The following WDR17 variants were observed in gnomAD, a reference collection of about 807,000 sequenced individuals.
WDR17 encodes WD repeat domain 17, also known as WD repeat-containing protein 17.
WDR17 carries 143 observed loss-of-function variants against 161.7 expected under a neutral mutation model. The observed-to-expected ratio is 0.88, with a 90% CI of 0.77 to 1.02. The LOEUF (loss-of-function observed/expected upper bound fraction) is 1.02, where lower values mean the gene tolerates loss of function less well. Among genes scored for constraint, WDR17 ranks in the 50% least tolerant of loss-of-function variants. The pLI is 0.00. For synonymous variants in WDR17, 517 were observed against 515.6 expected, an observed-to-expected ratio of 1.00 and a Z score of -0.04; for missense variants, 1,469 against 1,520.9, an observed-to-expected ratio of 0.97 and a Z score of 0.57.
At chr4:176,095,810 A>G (rs1736769711) in intron 1 of WDR17, among the ~76,000 whole-genome samples, 1 of 152,094 alleles carries the variant, frequency 6.6e-6, no homozygotes, top group Non-Finnish European at 1.5e-5. Flanking sequence ...ATTACAGAGG[A>G]TATTTTGAAG....
intron 1 of WDR17, among the ~76,000 whole-genome samples, chr4:176,085,330 A>T (rs1345964433): frequency 6.6e-6 from 1 of 152,056 alleles, no homozygotes; most frequent in Non-Finnish European, 1.5e-5. Flanking sequence ...AGGTTTGGGG[A>T]AGATATAAAG....
rs1268860907 is a variant in WDR17 at position 176,127,311 on chromosome 4, G to C, written c.791-1427G>C. On this transcript the variant is annotated intron_variant, in intron 5 of 28. Coordinates refer to ENST00000508596, the MANE Select transcript of WDR17 (RefSeq NM_181265.4). ...GGCATGGAATTTTTTTTTTTTTTTTGAGACAGTGTCTCGCTCTGTCACCCA... is the reference window on the plus strand; with the variant it reads ...GGCATGGAATTTTTTTTTTTTTTTTCAGACAGTGTCTCGCTCTGTCACCCA... Among the ~76,000 whole-genome samples the C allele has an allele frequency of 1.9e-5, 2 of 106,242 alleles. 1 individual carries two copies. Among genetic ancestry groups the C allele is most frequent in the South Asian group, 6.1e-4 (2 of 3,266 alleles). The allele number at this position is 106,242 out of a possible 152,430, so 69.7% of individuals were successfully genotyped here.
intron 22 of WDR17, among the ~76,000 whole-genome samples, chr4:176,166,442 T>C (rs1749784876): frequency 6.6e-6 from 1 of 152,170 alleles, no homozygotes; most frequent in African/African-American, 2.4e-5. Flanking sequence ...TCTCTTCTGA[T>C]AGTGAAATTT....
chr4:176,070,723 G>A (rs997946073), intron 1 of WDR17, among the ~76,000 whole-genome samples: 1 of 151,346 alleles, frequency 6.6e-6, no homozygotes, highest in African/African-American at 2.4e-5. Context: ...AGCTCACTAT[G>A]TTGCCCAGGC....
intron 6 of WDR17, among the ~76,000 whole-genome samples, chr4:176,129,947 A>G (rs1030111977): frequency 3.3e-4 from 49 of 148,746 alleles, no homozygotes; most frequent in African/African-American, 1.1e-3. Context: ...TGTCTGAAAT[A>G]CCAGATTCTT....
intron 10 of WDR17, among the ~76,000 whole-genome samples, chr4:176,140,637 G>A (rs1745107619): frequency 6.6e-6 from 1 of 152,116 alleles, no homozygotes; most frequent in Non-Finnish European, 1.5e-5. Flanking sequence ...TCTTCGATAG[G>A]TGGATAGGTG....
At position 176,160,023 on chromosome 4, in the gene WDR17, AGGATGAT is replaced by A; in HGVS notation, c.2557_2563del (p.Asp853SerfsTer6). 1 of 1,610,386 alleles carries A rather than the reference AGGATGAT, an allele frequency of 6.2e-7. No homozygotes were observed. On this transcript the variant is annotated frameshift_variant, in exon 19 of 29. Transcript: ENST00000508596. LOFTEE classifies it high-confidence loss of function. ...GCTGACCAATTAATCCAGGAAGATA[AGGATGAT>A]GTCATTCCATACTGCATAGCCATTG...
intron 4 of WDR17, among the ~76,000 whole-genome samples, chr4:176,121,360 T>C (rs142689468): frequency 7.5e-4 from 115 of 152,324 alleles, no homozygotes; most frequent in African/African-American, 2.7e-3. Context: ...AACCTTTGTC[T>C]CCGGCAGTCT....
intron 1 of WDR17, among the ~76,000 whole-genome samples, chr4:176,090,265 A>C (rs1329721303): frequency 6.6e-6 from 1 of 151,502 alleles, no homozygotes; most frequent in East Asian, 1.9e-4. Context: ...TTAAAAAAAA[A>C]AAAAAAAAGC....
intron 17 of WDR17, among the ~76,000 whole-genome samples, chr4:176,152,933 CA>C (rs201147883): frequency 0.016 from 1,997 of 125,790 alleles, 16 homozygotes; most frequent in Middle Eastern, 0.024. Context: ...GACTCCATCT[CA>C]AAAAAAAAAA....
At position 176,153,183 on chromosome 4, in the gene WDR17, C is replaced by T. The variant is rs113263781; in HGVS notation, c.2460+1216C>T. ...TTGCATGCTGAAGTTTGAGAACTAC[C>T]GCCCTAGGCTGGAATCTTAACTTCT... On this transcript the variant is annotated intron_variant, in intron 17 of 28. Coordinates refer to ENST00000508596, the MANE Select transcript of WDR17 (RefSeq NM_181265.4). 3.4e-4 allele frequency among the ~76,000 whole-genome samples: 52 copies of T among 152,218 alleles called. 1 individual carries two copies. The highest frequency in any genetic ancestry group is 1.2e-3 in the African/African-American group (48 of 41,532).
At chr4:176,172,642 TAAAG>T in intron 24 of WDR17, 126 bp downstream of exon 24, 1 of 860,618 alleles carries the variant, frequency 1.2e-6, no homozygotes, top group Non-Finnish European at 1.7e-6. Context: ...GGGTAATTTA[TAAAG>T]AAAGTAGATT....
chr4:176,072,792 A>G (rs903880411), intron 1 of WDR17, among the ~76,000 whole-genome samples: 5 of 152,328 alleles, frequency 3.3e-5, no homozygotes, highest in African/African-American at 1.2e-4. Flanking sequence ...TTAGTAATAA[A>G]GGCAATACAT....
chr4:176,067,479 T>C (rs1001096312), intron 1 of WDR17, among the ~76,000 whole-genome samples: 2 of 152,230 alleles, frequency 1.3e-5, no homozygotes, highest in African/African-American at 4.8e-5. Context: ...GTTTACATTG[T>C]TCTGACTTTC....
At chr4:176,101,005 G>A (rs1737736870) in intron 1 of WDR17, among the ~76,000 whole-genome samples, 1 of 151,954 alleles carries the variant, frequency 6.6e-6, no homozygotes, top group African/African-American at 2.4e-5. Context: ...AATATAATTT[G>A]AAGTCAAGTA....
chr4:176,078,022 T>C (rs940747121), intron 1 of WDR17, among the ~76,000 whole-genome samples: 1 of 152,058 alleles, frequency 6.6e-6, no homozygotes, highest in South Asian at 2.1e-4. Flanking sequence ...TTTGTATAAA[T>C]AGAATGATAC....
intron 1 of WDR17, among the ~76,000 whole-genome samples, chr4:176,087,282 G>C (rs541351450): frequency 6.6e-6 from 1 of 151,676 alleles, no homozygotes; most frequent in African/African-American, 2.4e-5. Context: ...CAATGAAAAC[G>C]TTCATATTCT....
chr4:176,117,746 C>A (rs949006436), intron 3 of WDR17, among the ~76,000 whole-genome samples: 4 of 152,008 alleles, frequency 2.6e-5, no homozygotes, highest in African/African-American at 9.7e-5. Flanking sequence ...CATGTTTTTC[C>A]TTTCTTTGAA....
intron 1 of WDR17, among the ~76,000 whole-genome samples, chr4:176,088,508 G>A (rs928809510): frequency 1.3e-5 from 2 of 152,174 alleles, no homozygotes; most frequent in Non-Finnish European, 2.9e-5. Context: ...GGTGAGCTTG[G>A]AATGTCTGAT....
Sources: gnomAD v4.1 joint callset for allele counts (sites outside exome capture counted in the v4.1 genomes callset) on GRCh38, gnomAD v4.1.1 for gene constraint, MANE v1.5 for transcripts, NCBI Gene and HGNC (gene_info 2026-07-23, HGNC 2026-07-21) for gene names.